The following CFAP20DC variants were observed in gnomAD, a reference collection of about 807,000 sequenced individuals.
CFAP20DC encodes the protein CFAP20 domain containing.
CFAP20DC carries 84 observed loss-of-function variants against 101.7 expected under a neutral mutation model. The ratio of observed to expected loss-of-function variants is 0.83; its 90% CI spans 0.69 to 0.99. The LOEUF (loss-of-function observed/expected upper bound fraction) is 0.99. Among genes scored for constraint, CFAP20DC ranks in the 50% least tolerant of loss-of-function variants. CFAP20DC has a pLI of 0.00. For missense variants in CFAP20DC, 1,007 were observed against 970.3 expected (o/e 1.04, Z -0.50); for synonymous variants, 359 against 351.2 (o/e 1.02, Z -0.25).
At position 58,966,196 on chromosome 3, in the gene CFAP20DC, C is replaced by T. The variant is rs192411776; in HGVS notation, c.279-28434G>A. ...CTTCCTGAGCATCCCTTACAGCTTT[C>T]TCCATGCCTTCCCTGACCTTTGTCC... On this transcript the variant is annotated intron_variant, in intron 4 of 16. Coordinates refer to ENST00000482387, the MANE Select transcript of CFAP20DC (RefSeq NM_001394063.1). Among the ~76,000 whole-genome samples, 41 of 152,252 alleles carry T rather than the reference C, an allele frequency of 2.7e-4. 1 individual carries two copies. In the East Asian group the frequency reaches 7.2e-3, roughly 27 times the overall value.
intron 7 of CFAP20DC, among the ~76,000 whole-genome samples, chr3:58,870,730 T>C (rs1373162715): frequency 7.0e-6 from 1 of 143,870 alleles, no homozygotes; most frequent in African/African-American, 2.6e-5. Context: ...CTACTAAAAA[T>C]ACAAAAAATT....
intron 6 of CFAP20DC, among the ~76,000 whole-genome samples, chr3:58,901,502 A>C (rs189142647): frequency 1.0e-3 from 152 of 152,330 alleles, no homozygotes; most frequent in Non-Finnish European, 1.5e-3. Context: ...TATTGTGATA[A>C]TTAAATGAGG....
At chr3:58,855,206 C>T (rs1486446857) in intron 12 of CFAP20DC, among the ~76,000 whole-genome samples, 1 of 152,136 alleles carries the variant, frequency 6.6e-6, no homozygotes, top group African/African-American at 2.4e-5. Context: ...CAAAAGAAGA[C>T]ATTAATGCAG....
intron 13 of CFAP20DC, among the ~76,000 whole-genome samples, chr3:58,836,991 G>A (rs2076782353): frequency 6.6e-6 from 1 of 152,088 alleles, no homozygotes; most frequent in African/African-American, 2.4e-5. Context: ...AGGGTAATAT[G>A]GCAGCACGTT....
intron 12 of CFAP20DC, among the ~76,000 whole-genome samples, chr3:58,855,642 A>C (rs959716321): frequency 2.6e-5 from 4 of 152,116 alleles, no homozygotes; most frequent in African/African-American, 7.2e-5. Context: ...ACACCATGGA[A>C]TACTATGCAG....
At position 58,722,846 on chromosome 3, in the gene CFAP20DC, CCAG is replaced by C. The variant is rs1394594818; in HGVS notation, c.198-5221_198-5219del. On this transcript the variant is annotated intron_variant, in intron 3 of 3. Transcript: ENST00000486145. The surrounding 1 kb of genome is among the most constrained non-coding windows in gnomAD (Gnocchi z 4.5). ...GTCAGCAGAATATAGCAGCTGCCTC[CCAG>C]CAGAACTGTCTGTGGTGGAAATACC... Among the ~76,000 whole-genome samples, 1 of 152,198 alleles carries C rather than the reference CCAG, an allele frequency of 6.6e-6. No individual in the cohort carries two copies. Among genetic ancestry groups the C allele is most frequent in the East Asian group, 1.9e-4 (1 of 5,196 alleles).
At chr3:58,981,365 T>A (rs554071346) in intron 4 of CFAP20DC, among the ~76,000 whole-genome samples, 8 of 152,014 alleles carry the variant, frequency 5.3e-5, no homozygotes, top group Non-Finnish European at 2.9e-5. Context: ...ACTTTAAAGT[T>A]CATATGGAAC....
rs1249762057 is a variant in CFAP20DC, at chr3:59,001,842, TA to T, written c.278+37714del. Among the ~76,000 whole-genome samples, 1 of 152,150 alleles carries T rather than the reference TA, an allele frequency of 6.6e-6. No individual in the cohort carries two copies. The highest frequency in any genetic ancestry group is 2.4e-5 in the African/African-American group (1 of 41,434). On this transcript the variant is annotated intron_variant, in intron 4 of 16. Coordinates refer to ENST00000482387, the MANE Select transcript of CFAP20DC (RefSeq NM_001394063.1). This position sits in a 1 kb window ranked among gnomAD's most constrained non-coding sequence, Gnocchi z 4.5. ...AGGGAAGTACCTGATGTTACTATAG[TA>T]ATCAGTGGGCTTCCTGGGCTCTCTG...
Position 58,980,754 on chromosome 3 carries a change from G to A in CFAP20DC, c.279-42992C>T, listed in dbSNP as rs1390712281. 5.3e-5 allele frequency among the ~76,000 whole-genome samples: 8 copies of A among 152,164 alleles called. No homozygotes were observed. The East Asian group carries it at 1.5e-3, about 29-fold the overall frequency. ...ACAAACCCACAGCGAATATCATACT[G>A]AATGGGCAAAAACTAGAGGCATTAC... On this transcript the variant is annotated intron_variant, in intron 4 of 16. Coordinates refer to ENST00000482387, the MANE Select transcript of CFAP20DC (RefSeq NM_001394063.1).
chr3:59,005,520 G>A (rs1489743513), intron 4 of CFAP20DC, among the ~76,000 whole-genome samples: 2 of 152,074 alleles, frequency 1.3e-5, no homozygotes, highest in South Asian at 2.1e-4. Context: ...TACTTAAAGT[G>A]TACCATGTGT....
chr3:58,815,183 C>G (rs62252025), intron 14 of CFAP20DC, among the ~76,000 whole-genome samples: 123 of 151,466 alleles, frequency 8.1e-4, no homozygotes, highest in African/African-American at 2.5e-3. Flanking sequence ...GAACAGAACA[C>G]AGCCCTCAGA....
intron 15 of CFAP20DC, 23 bp downstream of exon 15, chr3:58,806,372 T>G: frequency 6.8e-7 from 1 of 1,479,466 alleles, no homozygotes; most frequent in Non-Finnish European, 9.4e-7. Context: ...TTTTCTTAAA[T>G]GTAGATTATT....
chr3:58,981,736 C>T (rs1297959128), intron 4 of CFAP20DC, among the ~76,000 whole-genome samples: 1 of 152,186 alleles, frequency 6.6e-6, no homozygotes, highest in East Asian at 1.9e-4. Flanking sequence ...ACATGTTAGA[C>T]CTAAAACCAT....
Position 58,869,235 on chromosome 3 carries a change from T to A in CFAP20DC, c.1015+93A>T. ...AAATGACAATTCTCTAGACTTAAGA[T>A]CTAGACTTGAATATAACTGCTGATT... is the stretch of plus-strand genomic sequence containing the variant. On this transcript the variant is annotated intron_variant, in intron 9 of 16. Transcript: ENST00000482387. This position sits in a 1 kb window ranked among gnomAD's most constrained non-coding sequence, Gnocchi z 4.3. 9.8e-7 allele frequency: 1 copy of A among 1,020,736 alleles called. No homozygotes were observed. Among genetic ancestry groups the A allele is most frequent in the Non-Finnish European group, 1.4e-6 (1 of 706,730 alleles). The allele number at this position is 1,020,736 out of a possible 1,614,324, so 63.2% of individuals were successfully genotyped here.
At chr3:58,853,024 C>G (rs2078402471) in intron 12 of CFAP20DC, among the ~76,000 whole-genome samples, 1 of 152,020 alleles carries the variant, frequency 6.6e-6, no homozygotes, top group African/African-American at 2.4e-5. Context: ...AAAAACCCTT[C>G]AAAAATTAAT....
rs565622054 is a variant in CFAP20DC at position 58,861,079 on chromosome 3, A to G, written c.1593+2479T>C. The G allele has an allele frequency of 6.6e-6, 1 of 152,670 alleles. No homozygotes were observed. Among genetic ancestry groups the G allele is most frequent in the South Asian group, 2.1e-4 (1 of 4,830 alleles). 9.5% of individuals were successfully genotyped at this position (152,670 alleles called of 1,614,324 possible). On this transcript the variant is annotated intron_variant, in intron 12 of 16. Transcript: ENST00000482387. This position sits in a 1 kb window ranked among gnomAD's most constrained non-coding sequence, Gnocchi z 4.0. ...GAATTAATGATTAGCAACTTCAATT[A>G]CAATGACAATGTATTGCTGAAAGCT...
chr3:59,041,768 G>A (rs185297748), intron 3 of CFAP20DC, among the ~76,000 whole-genome samples: 3 of 151,990 alleles, frequency 2.0e-5, no homozygotes, highest in African/African-American at 4.8e-5. Context: ...GTTCATCATG[G>A]GCTATTCCAT....
At chr3:59,010,099 AACC>A (rs2093546141) in intron 4 of CFAP20DC, among the ~76,000 whole-genome samples, 1 of 152,140 alleles carries the variant, frequency 6.6e-6, no homozygotes, top group Admixed American at 6.5e-5. Flanking sequence ...ACCAAAATAG[AACC>A]TCCTTAAAGC....
chr3:58,942,275 T>C (rs758724331), intron 4 of CFAP20DC, among the ~76,000 whole-genome samples: 17 of 152,240 alleles, frequency 1.1e-4, no homozygotes, highest in Non-Finnish European at 1.9e-4. Flanking sequence ...TAAAATGATA[T>C]GTGCCAGCAG....
Sources: allele counts gnomAD v4.1 joint callset (sites outside exome capture counted in the v4.1 genomes callset), GRCh38; gene constraint gnomAD v4.1.1; non-coding constraint Gnocchi (gnomAD v3.1); transcripts MANE v1.5; gene names NCBI Gene and HGNC (gene_info 2026-07-23, HGNC 2026-07-21).